The following KDM5A variants were observed in gnomAD, a reference collection of about 807,000 sequenced individuals.
KDM5A encodes lysine-specific demethylase 5A.
A neutral mutation model predicts 193.5 loss-of-function variants in KDM5A; 42 were observed. That is an observed-to-expected ratio of 0.22 (90% CI 0.17 to 0.28). The LOEUF is 0.28. KDM5A is among the 10% of genes least tolerant of loss of function. The pLI, the probability that KDM5A is intolerant of heterozygous loss-of-function variation, is 1.00. For missense variants in KDM5A, 1,692 were observed against 2,055.1 expected (o/e 0.82, Z 3.42); for synonymous variants, 796 against 718.1 (o/e 1.11, Z -1.73).
intron 3 of KDM5A, among the ~76,000 whole-genome samples, chr12:367,508 G>A (rs892938711): frequency 3.9e-5 from 6 of 152,182 alleles, no homozygotes; most frequent in East Asian, 1.9e-4. Flanking sequence ...AGCAGCCTGC[G>A]CAACATAGTG....
rs1326148362 is a variant in KDM5A at position 323,663 on chromosome 12, C to T, written c.2087G>A (p.Arg696Gln). 6.2e-6 allele frequency: 10 copies of T among 1,613,968 alleles called. No homozygotes were observed. Among genetic ancestry groups the T allele is most frequent in the South Asian group, 3.3e-5 (3 of 91,082 alleles). ...AGTTGGATGGTAGAGACATACAAGC[C>T]GCTCAGGATTACAGGAACATGTGAG... is the stretch of plus-strand genomic sequence containing the variant. ...SALTCSCNPE[R>Q]LVCLYHPTDL... is the part of the protein sequence containing the mutation. The change falls in exon 15 of 28, where the codon CGG becomes CAG. Residue 696 changes from arginine (R) to glutamine (Q), a missense_variant. By Grantham distance (43) the Arg-to-Gln change is conservative (BLOSUM62 1). Around this residue, in one of 11 missense-constraint regions of KDM5A, gnomAD observed 88 missense variants for 124.6 expected, o/e 0.71. Coordinates refer to ENST00000399788, the MANE Select transcript of KDM5A (RefSeq NM_001042603.3).
At chr12:357,735 GAAGA>G (rs1338118454) in intron 5 of KDM5A, among the ~76,000 whole-genome samples, 1 of 138,312 alleles carries the variant, frequency 7.2e-6, no homozygotes, top group East Asian at 2.2e-4. Context: ...GGCTGAAGCA[GAAGA>G]ATTACTTGAA....
At chr12:361,306 T>C (rs890636517) in intron 5 of KDM5A, among the ~76,000 whole-genome samples, 2 of 152,032 alleles carry the variant, frequency 1.3e-5, no homozygotes, top group African/African-American at 2.4e-5. Context: ...GCCATTCTCC[T>C]GCCTTAGCCT....
intron 3 of KDM5A, among the ~76,000 whole-genome samples, chr12:377,742 C>T (rs147818320): frequency 1.1e-3 from 166 of 152,006 alleles, no homozygotes; most frequent in African/African-American, 3.7e-3. Context: ...TGAGAGTAAA[C>T]CAAGTAAAAG....
At chr12:330,267 T>C (rs1943850038) in intron 13 of KDM5A, among the ~76,000 whole-genome samples, 1 of 152,100 alleles carries the variant, frequency 6.6e-6, no homozygotes, top group Non-Finnish European at 1.5e-5. Flanking sequence ...GGAAGCCACA[T>C]AAAATAGAAG....
In KDM5A at chr12:334,228, A is replaced by G. The variant is rs773862740; in HGVS notation, c.1490+13T>C. The G allele has an allele frequency of 1.2e-6, 2 of 1,611,406 alleles. No individual in the cohort carries two copies. Among genetic ancestry groups the G allele is most frequent in the Non-Finnish European group, 1.7e-6 (2 of 1,177,508 alleles). On this transcript the variant is annotated intron_variant, in intron 11 of 27. Transcript: ENST00000399788. Reference sequence around the variant, plus strand: ...GTAGAGTTCATGCATGCTGTATTTTAGACTGTACATACCAGTGCAAGTAGT... The same window carrying G: ...GTAGAGTTCATGCATGCTGTATTTTGGACTGTACATACCAGTGCAAGTAGT...
At position 373,277 on chromosome 12, in the gene KDM5A, A is replaced by T. The variant is rs10083202; in HGVS notation, c.367-7173T>A. ...TATTGCCTCAATTTCAGAGCCTGTT[A>T]TTGGTCTATTCAGGGATTCAACTTC... On this transcript the variant is annotated intron_variant, in intron 3 of 27. Transcript: ENST00000399788. Among the ~76,000 whole-genome samples the T allele has an allele frequency of 6.7e-3, 1,016 of 152,230 alleles. 15 individuals carry two copies. Among genetic ancestry groups the T allele is most frequent in the African/African-American group, 0.023 (964 of 41,520 alleles).
At position 380,242 on chromosome 12, in the gene KDM5A, A is replaced by G. The variant is rs191006071; in HGVS notation, c.366+3789T>C. On this transcript the variant is annotated intron_variant, in intron 3 of 27. Transcript: ENST00000399788. ...CGAGATCACGCCTCTAGCCTGGGTG[A>G]TGGGGGAGACTCCGTCTCCAAAAAA... 2.6e-3 allele frequency among the ~76,000 whole-genome samples: 389 copies of G among 149,666 alleles called. 1 individual carries two copies. Among genetic ancestry groups the G allele is most frequent in the African/African-American group, 9.0e-3 (369 of 40,790 alleles).
intron 4 of KDM5A, among the ~76,000 whole-genome samples, chr12:364,368 T>G (rs1209149067): frequency 6.6e-6 from 1 of 151,466 alleles, no homozygotes. Flanking sequence ...ACTACTCTAC[T>G]CAGGAGGCTG....
At chr12:342,232 T>C (rs1846644735) in intron 10 of KDM5A, among the ~76,000 whole-genome samples, 1 of 152,154 alleles carries the variant, frequency 6.6e-6, no homozygotes, top group Non-Finnish European at 1.5e-5. Flanking sequence ...CATGTGCAAC[T>C]CTTTTAACAG....
intron 22 of KDM5A, among the ~76,000 whole-genome samples, chr12:308,443 C>T (rs532196505): frequency 2.0e-5 from 3 of 152,220 alleles, no homozygotes; most frequent in Non-Finnish European, 2.9e-5. Context: ...AAGGTAAACA[C>T]TCTTAAAGTA....
Position 285,351 on chromosome 12 carries a change from C to A in KDM5A, c.*105G>T, listed in dbSNP as rs1031654211. On this transcript the variant is annotated 3_prime_UTR_variant, in exon 28 of 28. Transcript: ENST00000399788. ...AAGGGGACTTTCTCTGAAGGCCATT[C>A]ATCTTTGGAAGCAACATTCCAAGTG... 4 of 992,276 alleles carry A rather than the reference C, an allele frequency of 4.0e-6. No homozygotes were observed. In the Admixed American group the frequency reaches 7.7e-5, roughly 19 times the overall value. The allele number at this position is 992,276 out of a possible 1,614,324, so 61.5% of individuals were successfully genotyped here.
At chr12:316,417 C>T (rs1943651242) in intron 19 of KDM5A, among the ~76,000 whole-genome samples, 1 of 152,100 alleles carries the variant, frequency 6.6e-6, no homozygotes, top group Admixed American at 6.5e-5. Flanking sequence ...ACTTACCAAA[C>T]TCAAATATCA....
intron 3 of KDM5A, among the ~76,000 whole-genome samples, chr12:382,368 C>T (rs1397473653): frequency 4.6e-5 from 7 of 151,024 alleles, no homozygotes; most frequent in Admixed American, 4.6e-4. Flanking sequence ...GAGGCTGAGG[C>T]AGAAGAATCA....
intron 27 of KDM5A, chr12:286,157 T>G: frequency 2.0e-6 from 1 of 507,930 alleles, no homozygotes; most frequent in South Asian, 1.5e-5. Context: ...TAGGCCACTT[T>G]TAAAACTAAT....
chr12:384,222 C>A, intron 2 of KDM5A, 69 bp from the exon 3 acceptor site: 1 of 1,172,448 alleles, frequency 8.5e-7, no homozygotes. Context: ...AGCAGGGGTC[C>A]CCAAACCCCA....
intron 10 of KDM5A, among the ~76,000 whole-genome samples, chr12:335,532 G>T (rs1347125418): frequency 6.6e-6 from 1 of 152,162 alleles, no homozygotes; most frequent in Non-Finnish European, 1.5e-5. Flanking sequence ...ACTGAATGTG[G>T]ATGTCAGGAA....
intron 24 of KDM5A, among the ~76,000 whole-genome samples, chr12:302,523 A>G (rs1943455811): frequency 6.6e-6 from 1 of 152,244 alleles, no homozygotes; most frequent in Non-Finnish European, 1.5e-5. Context: ...AATTAACTCA[A>G]GATGGATTAA....
intron 6 of KDM5A, 26 bp downstream of exon 6, chr12:356,404 CTT>C: frequency 7.5e-7 from 1 of 1,338,110 alleles, no homozygotes; most frequent in Non-Finnish European, 1.1e-6. Context: ...TACCTTATCT[CTT>C]TTCATGATCA....
Sources: allele counts gnomAD v4.1 joint callset (sites outside exome capture counted in the v4.1 genomes callset), GRCh38; gene constraint gnomAD v4.1.1; regional missense constraint gnomAD v4.1.1; transcripts MANE v1.5; gene names NCBI Gene and HGNC (gene_info 2026-07-23, HGNC 2026-07-21).